KIAA0753: variants seen among roughly 807,000 people sequenced by gnomAD.
The protein encoded by KIAA0753 is KIAA0753, also known as protein moonraker.
In KIAA0753, 114 loss-of-function variants were observed where a neutral mutation model predicts 116.9. That is an observed-to-expected ratio of 0.98 (90% CI 0.84 to 1.14). The LOEUF is 1.14. Among genes scored for constraint, KIAA0753 ranks in the 50% most tolerant of loss-of-function variants. KIAA0753 has a pLI of 0.00. For synonymous variants in KIAA0753, 405 were observed against 413.1 expected (o/e 0.98, Z 0.24); for missense variants, 1,156 against 1,172.4 (o/e 0.99, Z 0.20).
chr17:6,623,200 G>A, intron 5 of KIAA0753, 103 bp from the exon 6 acceptor site: 1 of 1,188,490 alleles, frequency 8.4e-7, no homozygotes. Flanking sequence ...TCTGTATAAA[G>A]TGCTTTCTAT....
chr17:6,604,078 T>C (rs961852990), intron 12 of KIAA0753, among the ~76,000 whole-genome samples: 1 of 152,196 alleles, frequency 6.6e-6, no homozygotes, highest in Non-Finnish European at 1.5e-5. Flanking sequence ...GTATGGCAGT[T>C]TGGAACAAAG....
At chr17:6,613,643 T>C (rs983313144) in intron 7 of KIAA0753, among the ~76,000 whole-genome samples, 2 of 152,120 alleles carry the variant, frequency 1.3e-5, no homozygotes, top group African/African-American at 4.8e-5. Context: ...CTGAACTGAA[T>C]TGTTCAAAAA....
chr17:6,630,012 C>T (rs1971922408), intron 2 of KIAA0753, among the ~76,000 whole-genome samples: 1 of 152,072 alleles, frequency 6.6e-6, no homozygotes, highest in Admixed American at 6.5e-5. Context: ...ATCCCAGCTA[C>T]TCAGGAGGCT....
At chr17:6,583,307 AT>A (rs35524504) in intron 18 of KIAA0753, among the ~76,000 whole-genome samples, 1 of 151,930 alleles carries the variant, frequency 6.6e-6, no homozygotes, top group Non-Finnish European at 1.5e-5. Flanking sequence ...TCTATCTGTG[AT>A]TTTTCAGCAA....
intron 13 of KIAA0753, 42 bp from the exon 14 acceptor site, chr17:6,599,362 A>C: frequency 7.8e-7 from 1 of 1,281,976 alleles, no homozygotes; most frequent in Non-Finnish European, 1.1e-6. Flanking sequence ...ATAAAGACTT[A>C]TAGCTCCTAT....
intron 18 of KIAA0753, among the ~76,000 whole-genome samples, chr17:6,582,697 G>C (rs1452661683): frequency 6.6e-6 from 1 of 152,000 alleles, no homozygotes; most frequent in Non-Finnish European, 1.5e-5. Context: ...TTTAGATTTT[G>C]TAATTTTTAA....
intron 16 of KIAA0753, 141 bp from the exon 17 acceptor site, chr17:6,590,771 GA>G (rs1968939384): frequency 2.8e-6 from 2 of 712,782 alleles, no homozygotes; most frequent in Admixed American, 5.5e-5. Context: ...AGTGCAATGG[GA>G]AAATGCTCAT....
intron 15 of KIAA0753, 69 bp from the exon 16 acceptor site, chr17:6,595,122 A>G (rs1325204406): frequency 9.2e-7 from 1 of 1,092,754 alleles, no homozygotes; most frequent in East Asian, 2.5e-5. Flanking sequence ...AGAACTGGTA[A>G]AGATGTAAAA....
In KIAA0753 at chr17:6,623,769, G is replaced by A; in HGVS notation, c.826-198C>T. 3.3e-6 allele frequency: 2 copies of A among 600,982 alleles called. 1 individual carries two copies. 37.2% of individuals were successfully genotyped at this position (600,982 alleles called of 1,614,324 possible). On this transcript the variant is annotated intron_variant, in intron 4 of 18. Coordinates refer to ENST00000361413, the MANE Select transcript of KIAA0753 (RefSeq NM_014804.3). ...TCCAGTTCAAGATAGTGAATAGGCA[G>A]TGTTCACCTTCCATCCCTTCGTCCC... is the stretch of plus-strand genomic sequence containing the variant.
chr17:6,583,296 CTCTA>C (rs1381262316), intron 18 of KIAA0753, among the ~76,000 whole-genome samples: 1 of 152,156 alleles, frequency 6.6e-6, no homozygotes, highest in South Asian at 2.1e-4. Context: ...TTAAGATTTT[CTCTA>C]TCTGTGATTT....
chr17:6,595,377 T>G (rs1380437593), intron 15 of KIAA0753, among the ~76,000 whole-genome samples: 1 of 152,190 alleles, frequency 6.6e-6, no homozygotes, highest in Non-Finnish European at 1.5e-5. Flanking sequence ...ATTTACAGTT[T>G]AATAAGCACC....
rs929269019 is a variant in KIAA0753, at chr17:6,623,080, C to T, written c.906G>A (p.Lys302=). Residue 302 remains lysine (K), a synonymous_variant, in exon 6 of 19, where the codon AAG becomes AAA. Coordinates refer to ENST00000361413, the MANE Select transcript of KIAA0753 (RefSeq NM_014804.3). ...KHTKKSWAMS[K]LAAAHRGAIR... ...TGGCTCCTCGATGGGCAGCCGCCAG[C>T]TTAGACATTGCCCATGACTGGTAAT... The T allele has an allele frequency of 5.0e-6, 8 of 1,613,424 alleles. No homozygotes were observed. Among genetic ancestry groups the T allele is most frequent in the Middle Eastern group, 3.5e-4 (2 of 5,676 alleles).
intron 13 of KIAA0753, among the ~76,000 whole-genome samples, chr17:6,600,106 GATCT>G (rs1284812726): frequency 1.5e-4 from 23 of 152,154 alleles, no homozygotes; most frequent in African/African-American, 5.6e-4. Flanking sequence ...TTCACCAACA[GATCT>G]ATTTCACTCG....
rs2289642 is a variant in KIAA0753 at position 6,612,067 on chromosome 17, A to G, written c.1397T>C (p.Leu466Pro). Residue 466 changes from leucine (L) to proline (P), a missense_variant, in exon 8 of 19, where the codon CTG (leucine) becomes CCG (proline). Physicochemically the swap from Leu to Pro is moderately conservative, Grantham distance 98. Transcript: ENST00000361413. ...GTCTAGAATAAATGGTCCTTCTTCC[A>G]GAACTATATCCGCATCTAATACATC... ...ELDVLDADIV[L>P]EEGPFILDQS... is the part of the protein sequence containing the mutation. 0.59 allele frequency: 952,924 copies of G among 1,613,502 alleles called. 284,990 individuals carry two copies. The highest frequency in any genetic ancestry group is 0.78 in the African/African-American group (58,519 of 74,972).
intron 8 of KIAA0753, 65 bp downstream of exon 8, chr17:6,611,854 G>A: frequency 1.4e-6 from 2 of 1,387,952 alleles, no homozygotes; most frequent in East Asian, 2.3e-5. Flanking sequence ...CCATATACCA[G>A]TTTATGTGAC....
intron 2 of KIAA0753, among the ~76,000 whole-genome samples, chr17:6,629,320 T>C (rs1182155695): frequency 6.6e-6 from 1 of 152,254 alleles, no homozygotes; most frequent in Non-Finnish European, 1.5e-5. Flanking sequence ...TGTTTCGTTT[T>C]GCACTTAAAC....
intron 2 of KIAA0753, among the ~76,000 whole-genome samples, chr17:6,633,225 A>C (rs917125153): frequency 1.3e-5 from 2 of 152,252 alleles, no homozygotes; most frequent in African/African-American, 4.8e-5. Flanking sequence ...GCAAAATGTT[A>C]GCATTTGAGG....
Position 6,620,877 on chromosome 17 carries a change from G to C in KIAA0753, c.1226C>G (p.Ser409Ter). 6.2e-7 allele frequency: 1 copy of C among 1,614,194 alleles called. No individual in the cohort carries two copies. The highest frequency in any genetic ancestry group is 8.5e-7 in the Non-Finnish European group (1 of 1,180,026). Residue 409 changes from serine to a stop codon, truncating the protein, a stop_gained, in exon 7 of 19, where the codon TCA becomes TGA. Coordinates refer to ENST00000361413, the MANE Select transcript of KIAA0753 (RefSeq NM_014804.3). LOFTEE classifies it high-confidence loss of function. Reference protein sequence around the residue: ...QKALERWPSTSPKGERRPLTA... With the variant: ...QKALERWPST The stretch of plus-strand genomic sequence containing the variant: ...GAGGGGCCTCCTCTCACCCTTTGGT[G>C]ATGTACTTGGCCATCTCTCCAAGGC...
intron 4 of KIAA0753, among the ~76,000 whole-genome samples, chr17:6,624,535 G>GCC (rs1218938557): frequency 8.2e-5 from 7 of 85,150 alleles, no homozygotes; most frequent in East Asian, 3.4e-4. Context: ...GGAGTTTGGC[G>GCC]CCACACACAC....
Sources: gnomAD v4.1 joint callset for allele counts (sites outside exome capture counted in the v4.1 genomes callset) on GRCh38, gnomAD v4.1.1 for gene constraint, MANE v1.5 for transcripts, NCBI Gene and HGNC (gene_info 2026-07-23, HGNC 2026-07-21) for gene names.